Variants in TP63 observed in about 807,000 individuals in gnomAD.
TP63 encodes the protein tumor protein 63.
Under a neutral mutation model 82.8 loss-of-function variants are expected in TP63, and 17 were observed. The ratio of observed to expected loss-of-function variants is 0.21; its 90% CI spans 0.14 to 0.31. The LOEUF (loss-of-function observed/expected upper bound fraction) is 0.31. TP63 is among the 10% of genes least tolerant of loss of function. The pLI is 1.00. For synonymous variants in TP63, 330 were observed against 321.7 expected (o/e 1.03, Z -0.28); for missense variants, 648 against 895.3 (o/e 0.72, Z 3.52).
chr3:189,656,404 A>G (rs1713366439), intron 1 of TP63, among the ~76,000 whole-genome samples: 1 of 152,192 alleles, frequency 6.6e-6, no homozygotes, highest in South Asian at 2.1e-4. Context: ...TAATATGCTT[A>G]GTTAAAACCA....
At chr3:189,871,592 A>G (rs2108814873) in intron 9 of TP63, among the ~76,000 whole-genome samples, 1 of 152,322 alleles carries the variant, frequency 6.6e-6, no homozygotes, top group East Asian at 1.9e-4. Context: ...TACTGGGTGC[A>G]GCAACTGGGG....
At chr3:189,824,036 C>T (rs1330928359) in intron 4 of TP63, among the ~76,000 whole-genome samples, 1 of 152,050 alleles carries the variant, frequency 6.6e-6, no homozygotes, top group Non-Finnish European at 1.5e-5. Context: ...AATAGCCCCC[C>T]AAACCTTGAT....
chr3:189,641,538 C>G (rs952272556), intron 1 of TP63, among the ~76,000 whole-genome samples: 1 of 152,000 alleles, frequency 6.6e-6, no homozygotes, highest in Non-Finnish European at 1.5e-5. Context: ...TTTTTACAAA[C>G]AAGTTATAAT....
the TP63 span, among the ~76,000 whole-genome samples, chr3:189,597,053 A>G: frequency 6.6e-6 from 1 of 152,308 alleles, no homozygotes; most frequent in East Asian, 1.9e-4. Context: ...GAACATCAGA[A>G]GGAACAAACT....
At chr3:189,875,900 G>C (rs1719161164) in intron 10 of TP63, among the ~76,000 whole-genome samples, 1 of 151,868 alleles carries the variant, frequency 6.6e-6, no homozygotes, top group Non-Finnish European at 1.5e-5. Flanking sequence ...TGCCCATCCA[G>C]ATATAAAATG....
At chr3:189,785,558 A>G (rs7637586) in intron 3 of TP63, among the ~76,000 whole-genome samples, 18,716 of 152,070 alleles carry the variant, frequency 0.12, 1,242 homozygotes, top group East Asian at 0.32. Flanking sequence ...TAAAGAATCT[A>G]AAAGTATTTG....
chr3:189,773,980 T>C (rs1362112135), intron 3 of TP63, among the ~76,000 whole-genome samples: 1 of 137,190 alleles, frequency 7.3e-6, no homozygotes, highest in Non-Finnish European at 1.5e-5. Context: ...TGGAGTGCAG[T>C]GGCACGATCT....
intron 10 of TP63, among the ~76,000 whole-genome samples, chr3:189,884,533 A>C (rs995571785): frequency 6.6e-5 from 10 of 152,170 alleles, no homozygotes; most frequent in Admixed American, 5.9e-4. Flanking sequence ...ATTTCTGTCC[A>C]TCTCTGCCCT....
intron 1 of TP63, among the ~76,000 whole-genome samples, chr3:189,706,920 T>A (rs1718245621): frequency 6.6e-6 from 1 of 151,610 alleles, no homozygotes; most frequent in Admixed American, 6.6e-5. Context: ...TTTTATACAA[T>A]TTCTCCTACA....
At chr3:189,599,154 C>T in the TP63 span, among the ~76,000 whole-genome samples, 1 of 152,198 alleles carries the variant, frequency 6.6e-6, no homozygotes, top group Non-Finnish European at 1.5e-5. Flanking sequence ...TTCCCTTCAT[C>T]CACCTTTAAT....
the TP63 span, among the ~76,000 whole-genome samples, chr3:189,607,717 T>A: frequency 3.3e-5 from 5 of 152,102 alleles, no homozygotes; most frequent in East Asian, 9.6e-4. Flanking sequence ...TTATCGTACA[T>A]ATAAAAATGT....
intron 4 of TP63, chr3:189,830,026 T>G (rs527372576): frequency 2.3e-5 from 5 of 220,198 alleles, no homozygotes; most frequent in Non-Finnish European, 1.0e-5. Context: ...TTAGCTCCAC[T>G]GTAACCTTCA....
chr3:189,733,345 A>C (rs998278857), intron 1 of TP63, among the ~76,000 whole-genome samples: 2 of 152,186 alleles, frequency 1.3e-5, no homozygotes, highest in African/African-American at 4.8e-5. Context: ...ATTATTGAAG[A>C]TGTTGGTCAC....
chr3:189,612,132 C>CT, the TP63 span, among the ~76,000 whole-genome samples: 4 of 151,938 alleles, frequency 2.6e-5, no homozygotes, highest in Non-Finnish European at 5.9e-5. Context: ...TTTTTCGTGC[C>CT]TAACGGACTG....
chr3:189,797,978 C>T (rs1725883672), intron 3 of TP63, among the ~76,000 whole-genome samples: 1 of 152,020 alleles, frequency 6.6e-6, no homozygotes, highest in South Asian at 2.1e-4. Context: ...AACTCTTTTA[C>T]TCTGTTTCTT....
In TP63 at chr3:189,759,861, A is replaced by G. The variant is rs1314248016; in HGVS notation, c.324+21087A>G. 2.6e-5 allele frequency among the ~76,000 whole-genome samples: 4 copies of G among 152,186 alleles called. No individual in the cohort carries two copies. The East Asian group carries it at 7.7e-4, about 29-fold the overall frequency. On this transcript the variant is annotated intron_variant, in intron 3 of 13. Transcript: ENST00000264731. ...TTTACAAAAGAAAGAGGTTTATTGG[A>G]CTTACAGTTCCACATGGCCTGAGAG...
At chr3:189,867,988 G>A in intron 7 of TP63, 46 bp downstream of exon 7, 2 of 1,508,250 alleles carry the variant, frequency 1.3e-6, no homozygotes, top group Non-Finnish European at 1.8e-6. Context: ...AAAATCACGA[G>A]CAGAGGGCAA....
intron 1 of TP63, among the ~76,000 whole-genome samples, chr3:189,708,551 G>C (rs554021383): frequency 6.6e-6 from 1 of 152,280 alleles, no homozygotes; most frequent in East Asian, 1.9e-4. Flanking sequence ...GCATGCCAAA[G>C]TGGCTTGTGG....
chr3:189,885,289 C>T (rs1045213616), intron 10 of TP63, among the ~76,000 whole-genome samples: 1 of 152,206 alleles, frequency 6.6e-6, no homozygotes, highest in African/African-American at 2.4e-5. Flanking sequence ...TTTCAGTTCT[C>T]ATCATAGCCG....
Sources: gnomAD v4.1 joint callset for allele counts (sites outside exome capture counted in the v4.1 genomes callset) on GRCh38, gnomAD v4.1.1 for gene constraint, MANE v1.5 for transcripts, NCBI Gene and HGNC (gene_info 2026-07-23, HGNC 2026-07-21) for gene names.